Variants in NHSL1 observed in about 807,000 individuals in gnomAD.
NHSL1 encodes NHS-like protein 1.
NHSL1 carries 48 observed loss-of-function variants against 95.0 expected under a neutral mutation model. That is an observed-to-expected ratio of 0.51 (90% CI 0.40 to 0.64). The LOEUF is 0.64. Among genes scored for constraint, NHSL1 ranks in the 30% least tolerant of loss-of-function variants. The pLI, the probability that NHSL1 is intolerant of heterozygous loss-of-function variation, is 0.00. For synonymous variants in NHSL1, 783 were observed against 833.9 expected (o/e 0.94, Z 1.05); for missense variants, 1,971 against 2,077.7 (o/e 0.95, Z 1.00).
At chr6:138,565,953 A>C (rs1325801966) in intron 1 of NHSL1, among the ~76,000 whole-genome samples, 1 of 151,390 alleles carries the variant, frequency 6.6e-6, no homozygotes, top group Non-Finnish European at 1.5e-5. Flanking sequence ...TAAAAAAAAA[A>C]AAAGCAAACA....
At chr6:138,688,727 G>A (rs1289260066) in intron 1 of NHSL1, among the ~76,000 whole-genome samples, 2 of 151,988 alleles carry the variant, frequency 1.3e-5, no homozygotes, top group Non-Finnish European at 2.9e-5. Context: ...AGTCTGTTTT[G>A]ATATTTACAG....
chr6:138,687,965 T>G (rs12524822), intron 1 of NHSL1, among the ~76,000 whole-genome samples: 37,152 of 142,560 alleles, frequency 0.26, 4,885 homozygotes, highest in South Asian at 0.46. Context: ...CTTTTTTTTT[T>G]TGGGGACACA....
At chr6:138,624,508 A>G in intron 1 of NHSL1, among the ~76,000 whole-genome samples, 1 of 152,152 alleles carries the variant, frequency 6.6e-6, no homozygotes. Context: ...TCACGTATAC[A>G]CACTATAAAA....
chr6:138,423,979 T>A lies in NHSL1; in HGVS notation c.*102A>T. On this transcript the variant is annotated 3_prime_UTR_variant, in exon 8 of 8. Coordinates refer to ENST00000343505, the MANE Select transcript of NHSL1 (RefSeq NM_001144060.2). ...CGGGGCCCACAGCACAGAAGCAGAG[T>A]GGGCTCCCCGGGTGAGCCAGGGAAG... 1 of 1,196,154 alleles carries A rather than the reference T, an allele frequency of 8.4e-7. No homozygotes were observed. Among genetic ancestry groups the A allele is most frequent in the Non-Finnish European group, 1.1e-6 (1 of 943,476 alleles). 74.1% of individuals were successfully genotyped at this position (1,196,154 alleles called of 1,614,324 possible). A position where few individuals can be genotyped will look rare whatever the true frequency, so the allele number is the denominator to read the frequency against.
Position 138,431,454 on chromosome 6 carries a change from G to A in NHSL1, c.2891C>T (p.Pro964Leu), listed in dbSNP as rs954166005. 6.4e-7 allele frequency: 1 copy of A among 1,551,094 alleles called. No homozygotes were observed. Among genetic ancestry groups the A allele is most frequent in the African/African-American group, 1.4e-5 (1 of 73,050 alleles). The change falls in exon 6 of 8, where the codon CCT becomes CTT. Residue 964 changes from proline (P) to leucine (L), a missense_variant. Pro to Leu is a moderately conservative substitution (Grantham distance 98). This residue lies in a region of NHSL1 where 1,602 missense variants were observed against 1,654.5 expected (regional missense o/e 0.97). Coordinates refer to ENST00000343505, the MANE Select transcript of NHSL1 (RefSeq NM_001144060.2). This position sits in a 1 kb window ranked among gnomAD's most constrained non-coding sequence, Gnocchi z 4.0. ...PPVTDCSQGS[P>L]LPHSPVFPPP... ...GGGGAACACAGGAGAGTGAGGCAGA[G>A]GAGAGCCCTGGGAGCAATCTGTGAC...
intron 5 of NHSL1, among the ~76,000 whole-genome samples, chr6:138,434,344 G>A (rs937756909): frequency 6.6e-6 from 1 of 151,568 alleles, no homozygotes; most frequent in East Asian, 1.9e-4. Flanking sequence ...CTGATCCAGT[G>A]AACATTTCCT....
At chr6:138,464,119 C>A (rs551468164) in intron 3 of NHSL1, 2 of 532,906 alleles carry the variant, frequency 3.8e-6, no homozygotes, top group Admixed American at 2.6e-5. Context: ...CTATCCTCAC[C>A]GCTATCTGGT....
At chr6:138,528,581 C>A (rs1303479091) in intron 1 of NHSL1, among the ~76,000 whole-genome samples, 1 of 152,186 alleles carries the variant, frequency 6.6e-6, no homozygotes, top group Non-Finnish European at 1.5e-5. Context: ...TTAATTTCTA[C>A]AAAGGTGAGG....
chr6:138,581,692 CAAAAAA>C (rs1163761095), intron 1 of NHSL1, among the ~76,000 whole-genome samples: 7 of 67,298 alleles, frequency 1.0e-4, no homozygotes, highest in Non-Finnish European at 1.7e-4. Context: ...ACTCCGTCTC[CAAAAAA>C]AAAAAAAAAA....
chr6:138,499,881 C>A (rs1205361227), upstream of NHSL1, among the ~76,000 whole-genome samples: 1 of 152,176 alleles, frequency 6.6e-6, no homozygotes, highest in Non-Finnish European at 1.5e-5. Context: ...GCCCCAGGCT[C>A]TGCCTCCGAT....
intron 1 of NHSL1, among the ~76,000 whole-genome samples, chr6:138,497,198 C>T (rs1272604432): frequency 6.6e-6 from 1 of 152,156 alleles, no homozygotes; most frequent in Non-Finnish European, 1.5e-5. Flanking sequence ...TTCCTGACAA[C>T]ACGAGCTAAG....
chr6:138,515,059 C>T (rs1029983262), intron 1 of NHSL1, among the ~76,000 whole-genome samples: 1 of 152,022 alleles, frequency 6.6e-6, no homozygotes, highest in South Asian at 2.1e-4. Flanking sequence ...CAGGCAGTGT[C>T]TACAGTGTGG....
intron 5 of NHSL1, among the ~76,000 whole-genome samples, chr6:138,436,123 G>T (rs1776083332): frequency 6.6e-6 from 1 of 152,088 alleles, no homozygotes; most frequent in Admixed American, 6.6e-5. Flanking sequence ...GCCTCTAAGG[G>T]TTCAAGCGAA....
At chr6:138,451,607 G>A (rs1419739686) in intron 3 of NHSL1, among the ~76,000 whole-genome samples, 4 of 152,156 alleles carry the variant, frequency 2.6e-5, no homozygotes. Context: ...GCCCTTGGTG[G>A]GGACTTTATA....
intron 1 of NHSL1, among the ~76,000 whole-genome samples, chr6:138,596,017 T>G (rs1168954679): frequency 6.6e-6 from 1 of 152,172 alleles, no homozygotes; most frequent in East Asian, 1.9e-4. Context: ...TAAACCCTAC[T>G]TGGAAGCTAA....
chr6:138,434,557 A>G (rs959202845), intron 5 of NHSL1, among the ~76,000 whole-genome samples: 8 of 152,206 alleles, frequency 5.3e-5, no homozygotes, highest in Admixed American at 1.3e-4. Context: ...AAAAATCACA[A>G]AGACAAGAAC....
At chr6:138,594,749 TA>T (rs1784278629) in intron 1 of NHSL1, among the ~76,000 whole-genome samples, 2 of 152,206 alleles carry the variant, frequency 1.3e-5, no homozygotes, top group South Asian at 4.1e-4. Context: ...AGCAAGATTT[TA>T]ATGAGACCCC....
chr6:138,574,934 T>A (rs1783944559), upstream of NHSL1, among the ~76,000 whole-genome samples: 1 of 152,160 alleles, frequency 6.6e-6, no homozygotes, highest in South Asian at 2.1e-4. Context: ...AGTTTCCCTC[T>A]TGTTGCCCAG....
At chr6:138,582,144 G>A (rs564550900) in intron 1 of NHSL1, among the ~76,000 whole-genome samples, 5 of 151,958 alleles carry the variant, frequency 3.3e-5, no homozygotes, top group Admixed American at 6.6e-5. Context: ...TGATTCGCCC[G>A]CCTCAGCCTC....
Sources: gnomAD v4.1 joint callset for allele counts (sites outside exome capture counted in the v4.1 genomes callset) on GRCh38, gnomAD v4.1.1 for gene constraint, gnomAD v4.1.1 regional missense constraint, Gnocchi (gnomAD v3.1) non-coding constraint, MANE v1.5 for transcripts, NCBI Gene and HGNC (gene_info 2026-07-23, HGNC 2026-07-21) for gene names.